Variants in CIT observed in about 807,000 individuals in gnomAD.
CIT encodes citron rho-interacting serine/threonine kinase.
Under a neutral mutation model 272.7 loss-of-function variants are expected in CIT, and 79 were observed. That is an observed-to-expected ratio of 0.29 (90% CI 0.24 to 0.35). The LOEUF is 0.35. CIT is among the 10% of genes least tolerant of loss of function. The pLI, the probability that CIT is intolerant of heterozygous loss-of-function variation, is 1.00. For synonymous variants in CIT, 948 were observed against 995.6 expected (o/e 0.95, Z 0.90); for missense variants, 1,909 against 2,618.3 (o/e 0.73, Z 5.91).
chr12:119,833,651 T>C (rs978253919), intron 6 of CIT, among the ~76,000 whole-genome samples: 1 of 119,448 alleles, frequency 8.4e-6, no homozygotes, highest in African/African-American at 3.5e-5. Flanking sequence ...GCAACAGAGC[T>C]AGACTCTGTC....
intron 4 of CIT, among the ~76,000 whole-genome samples, chr12:119,853,148 G>A (rs965451249): frequency 5.3e-5 from 8 of 152,022 alleles, no homozygotes; most frequent in Admixed American, 3.9e-4. Context: ...CCAACATGGT[G>A]AAACCCCGTC....
At chr12:119,803,585 C>A (rs1966394786) in intron 9 of CIT, 196 bp from the exon 10 acceptor site, 2 of 437,664 alleles carry the variant, frequency 4.6e-6, no homozygotes, top group South Asian at 8.7e-5. Flanking sequence ...GGCCACCAAC[C>A]CGCAGACAGG....
In CIT at chr12:119,804,512, TG is replaced by T. The variant is rs1966479425; in HGVS notation, c.1112-1124del. ...CCAGTGACAGAGCAGCATGAGTCAC[TG>T]CCCGCCAGGGCTCGCTAGAGCTCCC... On this transcript the variant is annotated intron_variant, in intron 9 of 47. Coordinates refer to ENST00000392521, the MANE Select transcript of CIT (RefSeq NM_001206999.2). This position sits in a 1 kb window ranked among gnomAD's most constrained non-coding sequence, Gnocchi z 5.3. 1 of 985,012 alleles carries T rather than the reference TG, an allele frequency of 1.0e-6. No individual in the cohort carries two copies. Among genetic ancestry groups the T allele is most frequent in the Non-Finnish European group, 1.2e-6 (1 of 829,634 alleles). 61.0% of individuals were successfully genotyped at this position (985,012 alleles called of 1,614,324 possible).
At chr12:119,799,322 G>A (rs147216692) in intron 10 of CIT, among the ~76,000 whole-genome samples, 4 of 152,234 alleles carry the variant, frequency 2.6e-5, no homozygotes, top group Admixed American at 1.3e-4. Flanking sequence ...AGTGTTTTAC[G>A]TATTTCATCC....
intron 7 of CIT, among the ~76,000 whole-genome samples, chr12:119,831,056 A>G (rs1968588533): frequency 6.6e-6 from 1 of 152,010 alleles, no homozygotes; most frequent in South Asian, 2.1e-4. Context: ...TGTAGAGACT[A>G]GGTCTCATTT....
chr12:119,692,868 T>C (rs1053643064), intron 46 of CIT, among the ~76,000 whole-genome samples: 2 of 152,196 alleles, frequency 1.3e-5, no homozygotes, highest in African/African-American at 4.8e-5. Context: ...AGAACCCCTG[T>C]CTCTGCAGCA....
intron 13 of CIT, among the ~76,000 whole-genome samples, chr12:119,780,289 G>A (rs899836235): frequency 6.6e-6 from 1 of 152,128 alleles, no homozygotes; most frequent in East Asian, 1.9e-4. Context: ...ATATTCTAGA[G>A]GGGGTAGCTA....
In CIT at chr12:119,713,226, A is replaced by G. The variant is rs1370321034; in HGVS notation, c.4556T>C (p.Ile1519Thr). Residue 1519 changes from isoleucine to threonine, a missense_variant, in exon 35 of 48, where the codon ATT (isoleucine) becomes ACT (threonine). Physicochemically the swap from Ile to Thr is moderately conservative, Grantham distance 89 (BLOSUM62 -1). Around this residue, in one of 8 missense-constraint regions of CIT, gnomAD observed 780 missense variants for 1,067.2 expected, o/e 0.73. Coordinates refer to ENST00000392521, the MANE Select transcript of CIT (RefSeq NM_001206999.2). This position sits in a 1 kb window ranked among gnomAD's most constrained non-coding sequence, Gnocchi z 5.2. ...ACCTTCTCTGGCTTCATTGTCATAA[A>G]TGAGGACTTTTGATCCCTCCAGGAC... is the stretch of plus-strand genomic sequence containing the variant. ...YIVLEGSKVL[I>T]YDNEAREAGQ... 4 of 1,613,874 alleles carry G rather than the reference A, an allele frequency of 2.5e-6. No homozygotes were observed. The highest frequency in any genetic ancestry group is 3.4e-6 in the Non-Finnish European group (4 of 1,179,926).
At chr12:119,698,342 C>T (rs752776950) in intron 44 of CIT, among the ~76,000 whole-genome samples, 1 of 152,198 alleles carries the variant, frequency 6.6e-6, no homozygotes, top group Non-Finnish European at 1.5e-5. Context: ...GTAATCCCAG[C>T]ACTTTGGGAG....
At chr12:119,699,256 CAAA>C (rs1181095399) in intron 44 of CIT, among the ~76,000 whole-genome samples, 21 of 51,422 alleles carry the variant, frequency 4.1e-4, no homozygotes, top group African/African-American at 9.5e-4. Flanking sequence ...AAATCCGACT[CAAA>C]AAAAAAAAAA....
chr12:119,699,975 CAG>C (rs1956461138), intron 44 of CIT: 1 of 451,918 alleles, frequency 2.2e-6, no homozygotes, highest in African/African-American at 2.0e-5. Flanking sequence ...AGCTTATAAT[CAG>C]GGGGTGCTAT....
chr12:119,754,992 G>A lies in CIT; in HGVS notation c.2706+2379C>T, dbSNP rs1223323969. On this transcript the variant is annotated intron_variant, in intron 22 of 47. Transcript: ENST00000392521. The stretch of plus-strand genomic sequence containing the variant: ...ATTGTTTAGACTCAAACTTAAGGGC[G>A]AGTCTCCCGTGATCTTGCTGTTAAA... Among the ~76,000 whole-genome samples the A allele has an allele frequency of 2.6e-5, 4 of 152,284 alleles. 1 individual carries two copies. The highest frequency in any genetic ancestry group is 4.1e-4 in the South Asian group (2 of 4,820).
At chr12:119,823,146 C>T (rs998156451) in intron 8 of CIT, among the ~76,000 whole-genome samples, 173 bp from the exon 9 acceptor site, 1 of 152,076 alleles carries the variant, frequency 6.6e-6, no homozygotes, top group Non-Finnish European at 1.5e-5. Context: ...AAATAAGTGG[C>T]CTGTTCACAT....
chr12:119,733,712 C>G (rs2137246460), intron 26 of CIT, among the ~76,000 whole-genome samples: 1 of 152,096 alleles, frequency 6.6e-6, no homozygotes, highest in Non-Finnish European at 1.5e-5. Flanking sequence ...CTGTCCCGTC[C>G]TACAATGCAC....
Position 119,718,470 on chromosome 12 carries a change from G to A in CIT, c.4004-61C>T. 1 of 1,547,448 alleles carries A rather than the reference G, an allele frequency of 6.5e-7. No individual in the cohort carries two copies. Among genetic ancestry groups the A allele is most frequent in the Non-Finnish European group, 8.8e-7 (1 of 1,142,704 alleles). ...TGGGTCGCCTAGAGGACCAAACTAA[G>A]CCGAATGTCCCTGGGCTATCTTTCA... is the stretch of plus-strand genomic sequence containing the variant. On this transcript the variant is annotated intron_variant, in intron 31 of 47. Transcript: ENST00000392521. The surrounding 1 kb of genome is among the most constrained non-coding windows in gnomAD (Gnocchi z 4.8).
chr12:119,865,042 A>G (rs903742218), intron 3 of CIT, among the ~76,000 whole-genome samples: 1 of 152,234 alleles, frequency 6.6e-6, no homozygotes, highest in Non-Finnish European at 1.5e-5. Flanking sequence ...CAAAGCTTAC[A>G]TTCCAAAACA....
intron 44 of CIT, among the ~76,000 whole-genome samples, chr12:119,698,631 G>C (rs898434629): frequency 5.3e-5 from 8 of 151,740 alleles, no homozygotes; most frequent in African/African-American, 1.9e-4. Flanking sequence ...ATGGAATTCT[G>C]TGCAGCTGTA....
In CIT at chr12:119,723,343, C is replaced by T. The variant is rs147449462; in HGVS notation, c.3592-1894G>A. Among the ~76,000 whole-genome samples, 677 of 146,308 alleles carry T rather than the reference C, an allele frequency of 4.6e-3. 3 individuals carry two copies. Among genetic ancestry groups the T allele is most frequent in the African/African-American group, 0.016 (649 of 39,384 alleles). On this transcript the variant is annotated intron_variant, in intron 28 of 47. Coordinates refer to ENST00000392521, the MANE Select transcript of CIT (RefSeq NM_001206999.2). ...GCCCAAAATATTTTTCTAGAATAAA[C>T]GCATCAACTGTCCATTAGCTTTCCA...
intron 40 of CIT, among the ~76,000 whole-genome samples, chr12:119,707,593 C>A (rs1345253681): frequency 6.6e-6 from 1 of 152,166 alleles, no homozygotes; most frequent in Non-Finnish European, 1.5e-5. Flanking sequence ...CCTCCGCCTC[C>A]TGGGTTCAAG....
Sources: gnomAD v4.1 joint callset for allele counts (sites outside exome capture counted in the v4.1 genomes callset) on GRCh38, gnomAD v4.1.1 for gene constraint, gnomAD v4.1.1 regional missense constraint, Gnocchi (gnomAD v3.1) non-coding constraint, MANE v1.5 for transcripts, NCBI Gene and HGNC (gene_info 2026-07-23, HGNC 2026-07-21) for gene names.